The following ERCC6L2 variants were observed in gnomAD, a reference collection of about 807,000 sequenced individuals.
ERCC6L2 encodes ERCC excision repair 6 like 2, also known as DNA excision repair protein ERCC-6-like 2.
Under a neutral mutation model 132.0 loss-of-function variants are expected in ERCC6L2, and 77 were observed. The ratio of observed to expected loss-of-function variants is 0.58; its 90% CI spans 0.49 to 0.71. The LOEUF is 0.71. ERCC6L2 is among the 30% of genes least tolerant of loss of function. The pLI is 0.00. For missense variants in ERCC6L2, 1,542 were observed against 1,837.6 expected (o/e 0.84, Z 2.94); for synonymous variants, 583 against 632.4 (o/e 0.92, Z 1.17).
chr9:96,029,316 A>AAC (rs1554765205), intron 19 of ERCC6L2, among the ~76,000 whole-genome samples: 3 of 150,586 alleles, frequency 2.0e-5, no homozygotes, highest in Non-Finnish European at 3.0e-5. Context: ...AAAAAAAAAA[A>AAC]AAAAAAACAA....
At chr9:95,998,067 G>A (rs534111167) in intron 17 of ERCC6L2, among the ~76,000 whole-genome samples, 9 of 152,234 alleles carry the variant, frequency 5.9e-5, no homozygotes, top group South Asian at 2.1e-4. Flanking sequence ...TTAAAACAGC[G>A]GTTTTTCAAC....
intron 18 of ERCC6L2, among the ~76,000 whole-genome samples, chr9:96,009,464 G>A (rs1414021863): frequency 6.6e-6 from 1 of 152,366 alleles, no homozygotes; most frequent in East Asian, 1.9e-4. Flanking sequence ...TAGGCAGACA[G>A]AAGATGAATT....
intron 3 of ERCC6L2, chr9:95,906,761 T>C (rs1829059055): frequency 2.1e-6 from 1 of 467,214 alleles, no homozygotes; most frequent in Non-Finnish European, 4.2e-6. Context: ...GATCCAGATT[T>C]TATTCTTTTC....
At chr9:95,967,518 A>G (rs889853876) in intron 14 of ERCC6L2, 1 of 152,200 alleles carries the variant, frequency 6.6e-6, no homozygotes, top group African/African-American at 2.4e-5. Flanking sequence ...AACTTAAACC[A>G]TCTTGACCGG....
chr9:95,934,281 G>A lies in ERCC6L2; in HGVS notation c.1751+5417G>A, dbSNP rs540521111. Among the ~76,000 whole-genome samples the A allele has an allele frequency of 7.9e-5, 12 of 152,164 alleles. No individual in the cohort carries two copies. The South Asian group carries it at 2.5e-3, about 32-fold the overall frequency. On this transcript the variant is annotated intron_variant, in intron 11 of 18. Coordinates refer to ENST00000653738, the MANE Select transcript of ERCC6L2 (RefSeq NM_020207.7). ...GATCAGATAGTTCAAAACATGAAAA[G>A]ATCACAATTATTGTTATTTAAAATC...
At chr9:95,996,374 G>A (rs1235088111) in intron 17 of ERCC6L2, among the ~76,000 whole-genome samples, 1 of 152,264 alleles carries the variant, frequency 6.6e-6, no homozygotes, top group African/African-American at 2.4e-5. Flanking sequence ...CTCCATAGCA[G>A]CAGCAAGTGC....
chr9:95,981,603 T>A (rs1327234084), intron 17 of ERCC6L2, among the ~76,000 whole-genome samples: 1 of 152,200 alleles, frequency 6.6e-6, no homozygotes, highest in African/African-American at 2.4e-5. Context: ...ACGAGATGTC[T>A]GATAACAGAA....
At chr9:96,036,502 C>A (rs557117141) in intron 19 of ERCC6L2, among the ~76,000 whole-genome samples, 1 of 152,124 alleles carries the variant, frequency 6.6e-6, no homozygotes, top group South Asian at 2.1e-4. Context: ...TCTCTTCAAG[C>A]GCCTGCTTGC....
In ERCC6L2 at chr9:96,014,269, G is replaced by A. The variant is rs1834130388; in HGVS notation, c.*1066G>A. ...CAGCTGTCCTTCAGTTAGTTCACAG[G>A]GCTGCAAGAGGAGGACACATCCCTC... On this transcript the variant is annotated 3_prime_UTR_variant, in exon 19 of 19. Transcript: ENST00000653738. 1 of 152,226 alleles carries A rather than the reference G, an allele frequency of 6.6e-6. No homozygotes were observed. Among genetic ancestry groups the A allele is most frequent in the African/African-American group, 2.4e-5 (1 of 41,446 alleles). 9.4% of individuals were successfully genotyped at this position (152,226 alleles called of 1,614,324 possible).
At position 96,035,264 on chromosome 9, in the gene ERCC6L2, A is replaced by G. The variant is rs535380969; in HGVS notation, c.*1504-3612A>G. Among the ~76,000 whole-genome samples, 44 of 152,282 alleles carry G rather than the reference A, an allele frequency of 2.9e-4. No individual in the cohort carries two copies. In the East Asian group the frequency reaches 5.2e-3, roughly 18 times the overall value. On this transcript the variant is annotated intron_variant and NMD_transcript_variant, in intron 19 of 20. Coordinates refer to the ERCC6L2 transcript ENST00000670016. Reference sequence around the variant, plus strand: ...CCCAGTAAGGCCCCTTCTTCAGGCCAGGGAATGCCTGAAGGCTAGGGGCTG... The same window carrying G: ...CCCAGTAAGGCCCCTTCTTCAGGCCGGGGAATGCCTGAAGGCTAGGGGCTG...
intron 3 of ERCC6L2, among the ~76,000 whole-genome samples, chr9:95,905,709 C>CT (rs551761018): frequency 4.1e-4 from 63 of 152,334 alleles, no homozygotes; most frequent in African/African-American, 1.5e-3. Flanking sequence ...AAAAGGAACT[C>CT]TCACGTTCAG....
At chr9:95,877,279 C>T (rs1245785432) in intron 1 of ERCC6L2, among the ~76,000 whole-genome samples, 2 of 151,530 alleles carry the variant, frequency 1.3e-5, no homozygotes, top group Non-Finnish European at 2.9e-5. Context: ...TTATTTCGTC[C>T]TAGAAATTAT....
intron 17 of ERCC6L2, among the ~76,000 whole-genome samples, chr9:96,001,796 C>T (rs1442912624): frequency 8.5e-5 from 13 of 152,218 alleles, no homozygotes; most frequent in South Asian, 2.1e-4. Flanking sequence ...AGGCTTGGGC[C>T]GCACAGGAGC....
At chr9:95,946,965 C>T (rs967066023) in intron 12 of ERCC6L2, among the ~76,000 whole-genome samples, 6 of 152,208 alleles carry the variant, frequency 3.9e-5, no homozygotes, top group Admixed American at 3.3e-4. Flanking sequence ...TCCCCTGTCT[C>T]ATTCCCTCCC....
intron 3 of ERCC6L2, among the ~76,000 whole-genome samples, chr9:95,904,279 C>G (rs1236196028): frequency 6.6e-6 from 1 of 152,040 alleles, no homozygotes; most frequent in Non-Finnish European, 1.5e-5. Flanking sequence ...TGTTTCAACT[C>G]TACTGTAATC....
chr9:95,955,052 A>G (rs1831532142), intron 12 of ERCC6L2: 1 of 368,586 alleles, frequency 2.7e-6, no homozygotes, highest in Non-Finnish European at 5.4e-6. Context: ...CCCCTCAGCA[A>G]CTGTAACAGG....
At chr9:95,895,919 G>A (rs1587859071) in intron 2 of ERCC6L2, among the ~76,000 whole-genome samples, 1 of 151,914 alleles carries the variant, frequency 6.6e-6, no homozygotes, top group South Asian at 2.1e-4. Context: ...GTAGAGACGG[G>A]GTTTCACCGT....
chr9:95,909,448 T>G (rs1003107223), intron 4 of ERCC6L2, among the ~76,000 whole-genome samples: 3 of 152,192 alleles, frequency 2.0e-5, no homozygotes, highest in African/African-American at 2.4e-5. Flanking sequence ...TTTACCTCTT[T>G]ACAGTGGCTT....
intron 4 of ERCC6L2, among the ~76,000 whole-genome samples, chr9:95,910,967 G>A (rs1409054527): frequency 6.6e-6 from 1 of 152,154 alleles, no homozygotes; most frequent in African/African-American, 2.4e-5. Context: ...AGGCTGGAGT[G>A]CAGTGGTGCT....
Sources: gnomAD v4.1 joint callset for allele counts (sites outside exome capture counted in the v4.1 genomes callset) on GRCh38, gnomAD v4.1.1 for gene constraint, MANE v1.5 for transcripts, NCBI Gene and HGNC (gene_info 2026-07-23, HGNC 2026-07-21) for gene names.